The following CCDC13 variants were observed in gnomAD, a reference collection of about 807,000 sequenced individuals.
The protein encoded by CCDC13 is coiled-coil domain-containing protein 13.
CCDC13 carries 70 observed loss-of-function variants against 87.3 expected under a neutral mutation model. The ratio of observed to expected loss-of-function variants is 0.80; its 90% CI spans 0.66 to 0.98. The LOEUF is 0.98. CCDC13 is among the 50% of genes least tolerant of loss of function. The pLI is 0.00. For missense variants in CCDC13, 842 were observed against 892.0 expected, an observed-to-expected ratio of 0.94 and a Z score of 0.71; for synonymous variants, 317 against 360.3, an observed-to-expected ratio of 0.88 and a Z score of 1.36.
At chr3:42,729,200 C>A (rs1229019921) in intron 13 of CCDC13, among the ~76,000 whole-genome samples, 1 of 152,222 alleles carries the variant, frequency 6.6e-6, no homozygotes, top group Non-Finnish European at 1.5e-5. Context: ...CACCCCCAAA[C>A]TCGGATGTAA....
intron 1 of CCDC13, among the ~76,000 whole-genome samples, chr3:42,763,382 T>C (rs534774871): frequency 4.2e-4 from 64 of 152,354 alleles, no homozygotes; most frequent in African/African-American, 1.5e-3. Context: ...TGTTTGGCTC[T>C]TACAGAACAC....
chr3:42,727,775 G>C (rs1363197739), intron 13 of CCDC13, among the ~76,000 whole-genome samples: 1 of 152,172 alleles, frequency 6.6e-6, no homozygotes, highest in African/African-American at 2.4e-5. Context: ...GATGTTAAAA[G>C]TTAAGGGTGA....
At chr3:42,721,159 T>C (rs952479325) in intron 13 of CCDC13, among the ~76,000 whole-genome samples, 2 of 152,236 alleles carry the variant, frequency 1.3e-5, no homozygotes, top group Non-Finnish European at 2.9e-5. Context: ...ACTTAATGTG[T>C]TATTAATAAT....
At chr3:42,709,170 C>A in intron 15 of CCDC13, 31 bp from the exon 16 acceptor site, 1 of 1,592,822 alleles carries the variant, frequency 6.3e-7, no homozygotes, top group Non-Finnish European at 8.5e-7. Context: ...CTCAGTGTGG[C>A]TGGAGCTGCA....
chr3:42,739,175 C>G (rs1034221574), intron 9 of CCDC13, among the ~76,000 whole-genome samples: 2 of 152,068 alleles, frequency 1.3e-5, no homozygotes, highest in Non-Finnish European at 2.9e-5. Flanking sequence ...TCTTAGTTTC[C>G]CCATCTGTGA....
chr3:42,771,803 TG>T (rs1044042562), intron 1 of CCDC13, among the ~76,000 whole-genome samples: 2 of 152,066 alleles, frequency 1.3e-5, no homozygotes, highest in African/African-American at 4.8e-5. Context: ...ATGTAAACTA[TG>T]GACTTTAGTT....
In CCDC13 at chr3:42,709,049, A is replaced by T; in HGVS notation, c.2079T>A (p.His693Gln). The T allele has an allele frequency of 6.2e-7, 1 of 1,614,024 alleles. No homozygotes were observed. The highest frequency in any genetic ancestry group is 1.1e-5 in the South Asian group (1 of 91,068). ...CACTTTTCACCTGGCCCAGGATCTCATGGTACATCCGGAAGTCCTCCTCCT... is the reference window on the plus strand; with the variant it reads ...CACTTTTCACCTGGCCCAGGATCTCTTGGTACATCCGGAAGTCCTCCTCCT... The part of the protein sequence containing the change: ...RGKEEDFRMY[H>Q]EILGQVKSVF... The change falls in exon 16 of 16, where the codon CAT becomes CAA. Residue 693 changes from histidine (H) to glutamine (Q), a missense_variant. His to Gln is a conservative substitution (Grantham distance 24). Coordinates refer to ENST00000310232, the MANE Select transcript of CCDC13 (RefSeq NM_144719.4).
At chr3:42,769,197 G>T (rs1452770886) in intron 1 of CCDC13, among the ~76,000 whole-genome samples, 5 of 152,120 alleles carry the variant, frequency 3.3e-5, no homozygotes, top group Non-Finnish European at 5.9e-5. Flanking sequence ...CAACAAAAAA[G>T]AAATATGGAT....
chr3:42,742,979 G>A lies in CCDC13; in HGVS notation c.904C>T (p.Pro302Ser). 1 of 1,614,176 alleles carries A rather than the reference G, an allele frequency of 6.2e-7. No homozygotes were observed. The highest frequency in any genetic ancestry group is 1.1e-5 in the South Asian group (1 of 91,072). Residue 302 changes from proline to serine, a missense_variant, in exon 8 of 16, where the codon CCA becomes TCA. Physicochemically the swap from Pro to Ser is moderately conservative, Grantham distance 74. Coordinates refer to ENST00000310232, the MANE Select transcript of CCDC13 (RefSeq NM_144719.4). ...GTASDELSVYPDPRKLSAQEK... is the reference protein window; with the variant it reads ...GTASDELSVYSDPRKLSAQEK... Reference sequence around the variant, plus strand: ...TGTGCCGACAGCTTCCTTGGGTCTGGATAGACAGACAACTCATCACTGGCT... The same window carrying A: ...TGTGCCGACAGCTTCCTTGGGTCTGAATAGACAGACAACTCATCACTGGCT...
At chr3:42,743,384 ATATT>A (rs66840281) in intron 7 of CCDC13, among the ~76,000 whole-genome samples, 58,799 of 131,396 alleles carry the variant, frequency 0.45, 13,663 homozygotes, top group Middle Eastern at 0.52. Context: ...TCAAGAAAGA[ATATT>A]TATTTATTTA....
chr3:42,739,777 C>G lies in CCDC13; in HGVS notation c.1021G>C (p.Glu341Gln), dbSNP rs892949040. Residue 341 changes from glutamate (E) to glutamine (Q), a missense_variant, in exon 9 of 16, where the codon GAG (glutamate) becomes CAG (glutamine). Coordinates refer to ENST00000310232, the MANE Select transcript of CCDC13 (RefSeq NM_144719.4). ...LASERDVLQRELEELKKKFEG... is the reference protein window; with the variant it reads ...LASERDVLQRQLEELKKKFEG... ...AACTTCTTTTTTAGCTCTTCAAGCT[C>G]TCTCTGGAGGACATCCCGTTCACTG... The G allele has an allele frequency of 6.2e-7, 1 of 1,614,048 alleles. No homozygotes were observed. The highest frequency in any genetic ancestry group is 8.5e-7 in the Non-Finnish European group (1 of 1,180,038).
intron 13 of CCDC13, 69 bp from the exon 14 acceptor site, chr3:42,713,385 A>C: frequency 4.6e-6 from 7 of 1,507,096 alleles, no homozygotes; most frequent in Non-Finnish European, 6.3e-6. Context: ...CCACTTGCTC[A>C]GGCCCTTAGA....
At chr3:42,763,557 C>T (rs1005779920) in intron 1 of CCDC13, among the ~76,000 whole-genome samples, 3 of 148,546 alleles carry the variant, frequency 2.0e-5, no homozygotes, top group Admixed American at 6.8e-5. Flanking sequence ...CAGGCTGGAG[C>T]GCAGTGGCAC....
At chr3:42,714,146 C>T (rs979642956) in intron 13 of CCDC13, 1 of 152,220 alleles carries the variant, frequency 6.6e-6, no homozygotes, top group Non-Finnish European at 1.5e-5. Flanking sequence ...TGACTTCCTC[C>T]ACAGCAACTC....
chr3:42,708,767 A>T lies in CCDC13; in HGVS notation c.*213T>A. The T allele has an allele frequency of 2.1e-6, 1 of 472,034 alleles. No homozygotes were observed. Among genetic ancestry groups the T allele is most frequent in the Non-Finnish European group, 3.6e-6 (1 of 274,872 alleles). 29.2% of individuals were successfully genotyped at this position (472,034 alleles called of 1,614,324 possible). A position where few individuals can be genotyped will look rare whatever the true frequency, so the allele number is the denominator to read the frequency against. ...CCTGCTGCTGTAACCCAGCCAGCCC[A>T]GGGTCTCCTGCAGTGTCCCACCAGG... On this transcript the variant is annotated 3_prime_UTR_variant, in exon 16 of 16. Coordinates refer to ENST00000310232, the MANE Select transcript of CCDC13 (RefSeq NM_144719.4).
At chr3:42,758,615 C>G (rs1699763503) in intron 1 of CCDC13, among the ~76,000 whole-genome samples, 1 of 152,208 alleles carries the variant, frequency 6.6e-6, no homozygotes, top group Admixed American at 6.5e-5. Flanking sequence ...ACACTTGACT[C>G]TTGCCTGTCC....
chr3:42,762,305 C>T (rs1699848556), intron 1 of CCDC13, among the ~76,000 whole-genome samples: 1 of 152,216 alleles, frequency 6.6e-6, no homozygotes, highest in Non-Finnish European at 1.5e-5. Context: ...TTGTGCACAC[C>T]CGCACATTCC....
At chr3:42,729,024 T>C (rs1698756892) in intron 13 of CCDC13, among the ~76,000 whole-genome samples, 1 of 152,166 alleles carries the variant, frequency 6.6e-6, no homozygotes, top group Admixed American at 6.5e-5. Flanking sequence ...CCTGCTGAAG[T>C]GCCAGCTGCA....
At position 42,730,597 on chromosome 3, in the gene CCDC13, C is replaced by G. The variant is rs1698802877; in HGVS notation, c.1596-8G>C. 1 of 1,613,660 alleles carries G rather than the reference C, an allele frequency of 6.2e-7. No individual in the cohort carries two copies. The highest frequency in any genetic ancestry group is 1.1e-5 in the South Asian group (1 of 91,064). On this transcript the variant is annotated splice_polypyrimidine_tract_variant and splice_region_variant and intron_variant, in intron 12 of 15. Transcript: ENST00000310232. ...TCTGGGGAGTCCGAGAACCTGGGACCAGGGTGGAGGGCAGAGGGCAGAGGT... is the reference window on the plus strand; with the variant it reads ...TCTGGGGAGTCCGAGAACCTGGGACGAGGGTGGAGGGCAGAGGGCAGAGGT...
Sources: gnomAD v4.1 joint callset for allele counts (sites outside exome capture counted in the v4.1 genomes callset) on GRCh38, gnomAD v4.1.1 for gene constraint, MANE v1.5 for transcripts, NCBI Gene and HGNC (gene_info 2026-07-23, HGNC 2026-07-21) for gene names.